LRRC40: variants seen among roughly 807,000 people sequenced by gnomAD.
LRRC40 encodes leucine rich repeat containing 40, also known as leucine-rich repeat-containing protein 40.
A neutral mutation model predicts 72.8 loss-of-function variants in LRRC40; 76 were observed. That is an observed-to-expected ratio of 1.04 (90% CI 0.87 to 1.26). LRRC40 has a LOEUF of 1.26. LRRC40 is among the 50% of genes most tolerant of loss of function. The pLI, the probability that LRRC40 is intolerant of heterozygous loss-of-function variation, is 0.00. For missense variants in LRRC40, 684 were observed against 698.9 expected, an observed-to-expected ratio of 0.98 and a Z score of 0.24; for synonymous variants, 243 against 254.2, an observed-to-expected ratio of 0.96 and a Z score of 0.42.
chr1:70,163,922 G>C (rs186538606), intron 9 of LRRC40, among the ~76,000 whole-genome samples: 28 of 152,294 alleles, frequency 1.8e-4, no homozygotes, highest in Admixed American at 1.6e-3. Context: ...CACAAACTGG[G>C]TAACTTATAA....
At chr1:70,152,339 C>A in intron 12 of LRRC40, 94 bp downstream of exon 12, 1 of 671,122 alleles carries the variant, frequency 1.5e-6, no homozygotes, top group South Asian at 2.0e-5. Context: ...TCCATACATA[C>A]CTAGGAAAAT....
intron 9 of LRRC40, among the ~76,000 whole-genome samples, chr1:70,171,429 T>A (rs1210354052): frequency 1.3e-5 from 2 of 151,514 alleles, no homozygotes; most frequent in East Asian, 3.9e-4. Flanking sequence ...ATAAAATATC[T>A]GCAAATCATA....
At chr1:70,177,849 T>C (rs755418375) in intron 6 of LRRC40, among the ~76,000 whole-genome samples, 23 of 152,186 alleles carry the variant, frequency 1.5e-4, no homozygotes, top group Non-Finnish European at 2.9e-4. Context: ...CTCTGCCATC[T>C]CTGAGACAGC....
chr1:70,187,231 G>A, intron 3 of LRRC40, 34 bp downstream of exon 3: 3 of 979,868 alleles, frequency 3.1e-6, no homozygotes, highest in Non-Finnish European at 4.9e-6. Context: ...CCATTATAAG[G>A]GCAATAATAT....
chr1:70,177,708 A>C (rs1384561811), intron 6 of LRRC40, among the ~76,000 whole-genome samples: 1 of 152,240 alleles, frequency 6.6e-6, no homozygotes, highest in Non-Finnish European at 1.5e-5. Context: ...CAGATGATTC[A>C]TCCTGTAAGC....
At chr1:70,192,858 T>C (rs1668530966) in intron 1 of LRRC40, among the ~76,000 whole-genome samples, 1 of 151,954 alleles carries the variant, frequency 6.6e-6, no homozygotes, top group Non-Finnish European at 1.5e-5. Context: ...AAATAACTAA[T>C]GGGTATGAGG....
At chr1:70,162,682 T>C (rs1667791364) in intron 9 of LRRC40, among the ~76,000 whole-genome samples, 1 of 152,214 alleles carries the variant, frequency 6.6e-6, no homozygotes, top group Non-Finnish European at 1.5e-5. Flanking sequence ...GTTACCGTGC[T>C]TCTACTCTGC....
chr1:70,181,772 C>A (rs1448652394), intron 4 of LRRC40, among the ~76,000 whole-genome samples: 2 of 152,010 alleles, frequency 1.3e-5, no homozygotes, highest in African/African-American at 4.8e-5. Flanking sequence ...CTACCCTCTA[C>A]TCTTCATTCA....
chr1:70,183,920 T>C (rs1407705113), intron 4 of LRRC40, among the ~76,000 whole-genome samples: 1 of 152,196 alleles, frequency 6.6e-6, no homozygotes, highest in Non-Finnish European at 1.5e-5. Flanking sequence ...CCATATGTAA[T>C]GCTCAAAGAT....
Position 70,181,123 on chromosome 1 carries a change from T to C in LRRC40, c.624A>G (p.Glu208=), listed in dbSNP as rs764089868. ...TTATTTCTGCTGGCAAACTCTTCAGTTCATTACTAGAAAGATTGAGTCGCA... is the reference window on the plus strand; with the variant it reads ...TTATTTCTGCTGGCAAACTCTTCAGCTCATTACTAGAAAGATTGAGTCGCA... ...SLVRLNLSSN[E]LKSLPAEINR... is the part of the protein sequence containing the mutation. The change falls in exon 5 of 15, where the codon GAA becomes GAG. Residue 208 remains glutamate, a synonymous_variant. Transcript: ENST00000370952. 1.3e-6 allele frequency: 2 copies of C among 1,588,206 alleles called. No individual in the cohort carries two copies. The highest frequency in any genetic ancestry group is 1.7e-6 in the Non-Finnish European group (2 of 1,161,158).
intron 1 of LRRC40, among the ~76,000 whole-genome samples, chr1:70,189,556 A>G (rs957676009): frequency 3.3e-5 from 5 of 152,206 alleles, no homozygotes; most frequent in Non-Finnish European, 7.3e-5. Flanking sequence ...ATTAGCACAT[A>G]CACTGCACAG....
Position 70,205,427 on chromosome 1 carries a change from G to A in LRRC40, c.114C>T (p.Ser38=). The stretch of plus-strand genomic sequence containing the variant: ...TTCTACCCGACAGGTTTAACTGGCC[G>A]CTCTTCCTCGCTGCCTTCAACAGCC... ...PQGLLKAARK[S]GQLNLSGRNL... Residue 38 remains serine, a synonymous_variant, in exon 1 of 15, where the codon AGC becomes AGT. Coordinates refer to ENST00000370952, the MANE Select transcript of LRRC40 (RefSeq NM_017768.5). 1 of 1,601,916 alleles carries A rather than the reference G, an allele frequency of 6.2e-7. No individual in the cohort carries two copies. Among genetic ancestry groups the A allele is most frequent in the Non-Finnish European group, 8.5e-7 (1 of 1,170,680 alleles).
At chr1:70,195,868 T>G (rs957558111) in intron 1 of LRRC40, among the ~76,000 whole-genome samples, 1 of 152,158 alleles carries the variant, frequency 6.6e-6, no homozygotes, top group African/African-American at 2.4e-5. Flanking sequence ...ACTCCTGGCC[T>G]CAAGTGATCC....
chr1:70,158,381 A>T (rs902121686), intron 10 of LRRC40, among the ~76,000 whole-genome samples: 1 of 151,698 alleles, frequency 6.6e-6, no homozygotes, highest in Non-Finnish European at 1.5e-5. Flanking sequence ...TTCTTGAATA[A>T]ATCTAGTCAC....
chr1:70,161,691 T>C (rs529517513), intron 9 of LRRC40, among the ~76,000 whole-genome samples: 1 of 152,132 alleles, frequency 6.6e-6, no homozygotes, highest in Non-Finnish European at 1.5e-5. Context: ...TTGAAGCAAA[T>C]AGGCACTGAT....
At chr1:70,189,667 T>A (rs181909226) in intron 1 of LRRC40, among the ~76,000 whole-genome samples, 1 of 152,258 alleles carries the variant, frequency 6.6e-6, no homozygotes, top group African/African-American at 2.4e-5. Context: ...TAATAACTTT[T>A]ATAACAGAAG....
intron 9 of LRRC40, among the ~76,000 whole-genome samples, chr1:70,167,244 A>AAG (rs1553213528): frequency 1.3e-5 from 2 of 151,432 alleles, no homozygotes; most frequent in African/African-American, 2.4e-5. Flanking sequence ...AAAAAAAAAA[A>AAG]AAAGAAAAAA....
At chr1:70,176,462 G>A (rs1055837200) in intron 6 of LRRC40, among the ~76,000 whole-genome samples, 3 of 150,234 alleles carry the variant, frequency 2.0e-5, no homozygotes. Context: ...AACCCAGGAG[G>A]CGGAGGTTGC....
intron 1 of LRRC40, among the ~76,000 whole-genome samples, chr1:70,190,089 G>A (rs1404189133): frequency 1.3e-5 from 2 of 152,188 alleles, no homozygotes; most frequent in African/African-American, 4.8e-5. Context: ...GCTCCAGAAG[G>A]TAGAATGCTG....
Sources: gnomAD v4.1 joint callset for allele counts (sites outside exome capture counted in the v4.1 genomes callset) on GRCh38, gnomAD v4.1.1 for gene constraint, MANE v1.5 for transcripts, NCBI Gene and HGNC (gene_info 2026-07-23, HGNC 2026-07-21) for gene names.